The following GNA13 variants were observed in gnomAD, a reference collection of about 807,000 sequenced individuals.
The protein encoded by GNA13 is guanine nucleotide-binding protein subunit alpha-13.
A neutral mutation model predicts 33.5 loss-of-function variants in GNA13; 4 were observed. The observed-to-expected ratio is 0.12, with a 90% CI of 0.06 to 0.27. The LOEUF is 0.27. GNA13 is among the 10% of genes least tolerant of loss of function. GNA13 has a pLI of 1.00. For missense variants in GNA13, 319 were observed against 487.2 expected (o/e 0.65, Z 3.25); for synonymous variants, 176 against 183.8 (o/e 0.96, Z 0.34).
At chr17:65,046,435 C>T (rs1907667579) in intron 2 of GNA13, among the ~76,000 whole-genome samples, 1 of 152,090 alleles carries the variant, frequency 6.6e-6, no homozygotes, top group Non-Finnish European at 1.5e-5. Context: ...GGACTACAGG[C>T]ACGTGCCACT....
intron 2 of GNA13, among the ~76,000 whole-genome samples, chr17:65,037,644 C>G (rs1354094304): frequency 6.6e-6 from 1 of 151,904 alleles, no homozygotes; most frequent in East Asian, 1.9e-4. Flanking sequence ...CAAGACTCTA[C>G]TGTCAGACTG....
intron 2 of GNA13, among the ~76,000 whole-genome samples, chr17:65,049,648 G>A (rs1246885506): frequency 2.6e-5 from 4 of 152,140 alleles, no homozygotes; most frequent in Non-Finnish European, 2.9e-5. Context: ...CAAGAAGACT[G>A]GAGATGCTTC....
intron 2 of GNA13, among the ~76,000 whole-genome samples, chr17:65,019,507 G>GTCATTTGCAA (rs1400740944): frequency 2.0e-5 from 3 of 152,172 alleles, no homozygotes; most frequent in Admixed American, 6.5e-5. Context: ...ATGAGATTCA[G>GTCATTTGCAA]TCATTTGCAA....
At chr17:65,018,337 G>A (rs746700688) in intron 2 of GNA13, 34 bp from the exon 3 acceptor site, 4 of 1,009,652 alleles carry the variant, frequency 4.0e-6, no homozygotes, top group South Asian at 2.5e-5. Context: ...AGTTATTAGG[G>A]CTTAGAAATG....
intron 2 of GNA13, among the ~76,000 whole-genome samples, chr17:65,029,197 G>A (rs898412644): frequency 2.6e-5 from 4 of 152,192 alleles, no homozygotes; most frequent in Non-Finnish European, 4.4e-5. Context: ...TCTCGTGTTT[G>A]AAGTCTCCAG....
chr17:65,036,685 G>C (rs965278952), intron 2 of GNA13, among the ~76,000 whole-genome samples: 1 of 152,214 alleles, frequency 6.6e-6, no homozygotes, highest in African/African-American at 2.4e-5. Flanking sequence ...CAGCCTGGGT[G>C]AAAGAGTGAG....
intron 1 of GNA13, 57 bp downstream of exon 1, chr17:65,056,254 C>CCCCCCCCCCCCCCCCCCCCA: frequency 4.5e-6 from 5 of 1,118,666 alleles, no homozygotes; most frequent in East Asian, 2.9e-5. Flanking sequence ...GCCCCGCACC[C>CCCCCCCCCCCCCCCCCCCCA]GCCGCCGCCC....
At chr17:65,028,043 G>A (rs925813227) in intron 2 of GNA13, among the ~76,000 whole-genome samples, 1 of 152,066 alleles carries the variant, frequency 6.6e-6, no homozygotes, top group East Asian at 1.9e-4. Flanking sequence ...TCGAGCTCAC[G>A]GTGAAACCCC....
intron 3 of GNA13, 115 bp downstream of exon 3, chr17:65,018,138 A>AAAAAAAAAAG (rs1555600538): frequency 1.4e-5 from 1 of 69,632 alleles, no homozygotes; most frequent in African/African-American, 6.2e-5. Flanking sequence ...AAAAAAAAAA[A>AAAAAAAAAAG]AGAGAGAAAG....
intron 2 of GNA13, among the ~76,000 whole-genome samples, chr17:65,022,459 TACCAC>T (rs1477598461): frequency 6.6e-6 from 1 of 151,014 alleles, no homozygotes; most frequent in African/African-American, 2.4e-5. Flanking sequence ...AGGCCCTGAA[TACCAC>T]ACTTTTAAGG....
chr17:65,052,516 G>A, intron 2 of GNA13, among the ~76,000 whole-genome samples: 1 of 152,134 alleles, frequency 6.6e-6, no homozygotes. Context: ...CTTCAGATCT[G>A]AACTACCTCC....
chr17:65,018,886 G>T (rs4790965), intron 2 of GNA13, among the ~76,000 whole-genome samples: 150,067 of 152,276 alleles, frequency 0.99, 73,983 homozygotes, highest in Middle Eastern at 1. Flanking sequence ...CAGTTTTCTC[G>T]ACGAAACTTC....
intron 1 of GNA13, 146 bp downstream of exon 1, chr17:65,056,165 G>A: frequency 5.5e-6 from 3 of 544,926 alleles, no homozygotes; most frequent in Admixed American, 4.5e-5. Context: ...GCCAGTTGCC[G>A]GGGCGCGCCC....
intron 2 of GNA13, among the ~76,000 whole-genome samples, chr17:65,028,070 C>T (rs1006908678): frequency 1.3e-5 from 2 of 152,012 alleles, no homozygotes; most frequent in African/African-American, 4.8e-5. Context: ...ACTAAAAATA[C>T]AAAAAATCAG....
At position 65,047,627 on chromosome 17, in the gene GNA13, C is replaced by G. The variant is rs1052885442; in HGVS notation, c.510+5875G>C. 1.1e-4 allele frequency among the ~76,000 whole-genome samples: 17 copies of G among 150,924 alleles called. 1 individual carries two copies. Among genetic ancestry groups the G allele is most frequent in the Non-Finnish European group, 2.2e-4 (15 of 67,884 alleles). On this transcript the variant is annotated intron_variant, in intron 2 of 3. Coordinates refer to ENST00000439174, the MANE Select transcript of GNA13 (RefSeq NM_006572.6). ...CAATTCTTTAATATTTAAAGCAAAT[C>G]CAAATTAGCATTAATTAATAAATGA...
chr17:65,054,586 C>T (rs576144979), intron 1 of GNA13, among the ~76,000 whole-genome samples: 1 of 152,294 alleles, frequency 6.6e-6, no homozygotes, highest in South Asian at 2.1e-4. Flanking sequence ...GCTGGGATTG[C>T]AGGAGTGAGC....
intron 2 of GNA13, among the ~76,000 whole-genome samples, chr17:65,031,866 TAGAGAGAG>T (rs138789425): frequency 3.8e-5 from 4 of 106,410 alleles, no homozygotes; most frequent in African/African-American, 1.6e-4. Context: ...CCGGACAACA[TAGAGAGAG>T]AGAGAGAGAG....
intron 2 of GNA13, among the ~76,000 whole-genome samples, chr17:65,032,878 A>T (rs1282852385): frequency 1.3e-5 from 2 of 152,094 alleles, no homozygotes; most frequent in African/African-American, 4.8e-5. Flanking sequence ...TGGGAGGCTG[A>T]GATGGGTGGA....
At chr17:65,022,562 T>C (rs1325990171) in intron 2 of GNA13, among the ~76,000 whole-genome samples, 1 of 152,250 alleles carries the variant, frequency 6.6e-6, no homozygotes, top group Admixed American at 6.5e-5. Context: ...GCTAGAAGAA[T>C]ACAATGTATG....
Sources: gnomAD v4.1 joint callset for allele counts (sites outside exome capture counted in the v4.1 genomes callset) on GRCh38, gnomAD v4.1.1 for gene constraint, MANE v1.5 for transcripts, NCBI Gene and HGNC (gene_info 2026-07-23, HGNC 2026-07-21) for gene names.